Variants in B3GALT1 observed in about 807,000 individuals in gnomAD.
The protein encoded by B3GALT1 is beta-1,3-galactosyltransferase 1, also known as UDP-Gal:betaGlcNAc beta 1,3-galactosyltransferase, polypeptide 1.
B3GALT1 carries 10 observed loss-of-function variants against 23.2 expected under a neutral mutation model. The ratio of observed to expected loss-of-function variants is 0.43; its 90% CI spans 0.27 to 0.73. B3GALT1 has a LOEUF of 0.73. Among genes scored for constraint, B3GALT1 ranks in the 30% least tolerant of loss-of-function variants. The pLI is 0.21. For synonymous variants in B3GALT1, 156 were observed against 141.5 expected (o/e 1.10, Z -0.73); for missense variants, 299 against 405.4 (o/e 0.74, Z 2.25).
Position 167,351,000 on chromosome 2 carries a change from G to A in B3GALT1, c.-511+57666G>A, listed in dbSNP as rs192684441. On this transcript the variant is annotated intron_variant, in intron 1 of 4. Coordinates refer to ENST00000392690, the MANE Select transcript of B3GALT1 (RefSeq NM_020981.4). ...AATATCATTTTCGGCTGGGCGTGGT[G>A]GCTCACGCCTGTAATCCCAGCACTT... Among the ~76,000 whole-genome samples, 10 of 152,298 alleles carry A rather than the reference G, an allele frequency of 6.6e-5. No individual in the cohort carries two copies. In the East Asian group the frequency reaches 1.9e-3, roughly 29 times the overall value.
rs1001092506 is a variant in B3GALT1 at position 167,637,046 on chromosome 2, G to A, written c.-409-9863G>A. Among the ~76,000 whole-genome samples the A allele has an allele frequency of 2.6e-5, 4 of 152,008 alleles. No individual in the cohort carries two copies. In the East Asian group the frequency reaches 7.8e-4, roughly 30 times the overall value. On this transcript the variant is annotated intron_variant, in intron 2 of 4. Coordinates refer to ENST00000392690, the MANE Select transcript of B3GALT1 (RefSeq NM_020981.4). ...TAGTATGCCCTTATGGCTGCTCCCA[G>A]CTACCCTGATTAGTTAGTGCCCATG... is the stretch of plus-strand genomic sequence containing the variant.
intron 3 of B3GALT1, among the ~76,000 whole-genome samples, chr2:167,651,722 T>TA (rs1685873270): frequency 1.3e-5 from 2 of 152,202 alleles, no homozygotes; most frequent in African/African-American, 4.8e-5. Context: ...ATGAGAATCT[T>TA]ACTTTTACCA....
chr2:167,335,780 C>T (rs1475960345), intron 1 of B3GALT1, among the ~76,000 whole-genome samples: 2 of 152,096 alleles, frequency 1.3e-5, no homozygotes, highest in South Asian at 2.1e-4. Flanking sequence ...TTTACTGCAA[C>T]CTGTTTTATC....
intron 1 of B3GALT1, among the ~76,000 whole-genome samples, chr2:167,377,400 A>G (rs1030684080): frequency 6.6e-6 from 1 of 152,010 alleles, no homozygotes; most frequent in Non-Finnish European, 1.5e-5. Flanking sequence ...TTTGTGCCTC[A>G]GTAATCTGTC....
chr2:167,867,776 C>T (rs1690263069), intron 4 of B3GALT1, among the ~76,000 whole-genome samples: 2 of 152,108 alleles, frequency 1.3e-5, no homozygotes, highest in Admixed American at 6.5e-5. Flanking sequence ...CAGGAAGAAA[C>T]AATTTTTTAC....
chr2:167,637,550 A>G (rs892645993), intron 2 of B3GALT1, among the ~76,000 whole-genome samples: 24 of 152,092 alleles, frequency 1.6e-4, no homozygotes, highest in Admixed American at 1.2e-3. Context: ...TATACAATAC[A>G]TTGTTGTTAA....
At chr2:167,510,377 A>C (rs1699987595) in intron 2 of B3GALT1, among the ~76,000 whole-genome samples, 1 of 148,608 alleles carries the variant, frequency 6.7e-6, no homozygotes, top group African/African-American at 2.5e-5. Context: ...TAATGGAACC[A>C]TGCCTTATAA....
intron 1 of B3GALT1, among the ~76,000 whole-genome samples, chr2:167,403,557 A>T: frequency 6.6e-6 from 1 of 152,054 alleles, no homozygotes. Flanking sequence ...TGGTTGACTT[A>T]GTGTGAGGCC....
chr2:167,634,150 A>G (rs1338955925), intron 2 of B3GALT1, among the ~76,000 whole-genome samples: 2 of 152,160 alleles, frequency 1.3e-5, no homozygotes, highest in African/African-American at 4.8e-5. Context: ...TTTGAAACCA[A>G]TGAGAACAAA....
intron 2 of B3GALT1, among the ~76,000 whole-genome samples, chr2:167,643,132 C>T (rs1257701407): frequency 6.6e-6 from 1 of 152,104 alleles, no homozygotes; most frequent in Non-Finnish European, 1.5e-5. Flanking sequence ...GTAAGATAAG[C>T]TTTGTGCACA....
intron 1 of B3GALT1, among the ~76,000 whole-genome samples, chr2:167,361,504 A>G (rs936062665): frequency 1.3e-5 from 2 of 152,346 alleles, no homozygotes; most frequent in East Asian, 1.9e-4. Context: ...AACAAAACAG[A>G]TATTAAAGTC....
rs190997354 is a variant in B3GALT1, at chr2:167,645,339, C to T, written c.-409-1570C>T. On this transcript the variant is annotated intron_variant, in intron 2 of 4. Coordinates refer to ENST00000392690, the MANE Select transcript of B3GALT1 (RefSeq NM_020981.4). The stretch of plus-strand genomic sequence containing the variant: ...TTCTTGGCAATATTAAATTCTTCTC[C>T]AAAAAGTCATTAATAGCTTTTTGGA... Among the ~76,000 whole-genome samples, 10 of 152,098 alleles carry T rather than the reference C, an allele frequency of 6.6e-5. 1 individual carries two copies. The highest frequency in any genetic ancestry group is 5.9e-4 in the Admixed American group (9 of 15,272).
chr2:167,355,035 G>A (rs1697379193), intron 1 of B3GALT1, among the ~76,000 whole-genome samples: 1 of 152,188 alleles, frequency 6.6e-6, no homozygotes, highest in Admixed American at 6.5e-5. Context: ...TTCATGGCCA[G>A]GATCAGGTGT....
chr2:167,567,057 G>T (rs576580967), intron 2 of B3GALT1, among the ~76,000 whole-genome samples: 1 of 152,256 alleles, frequency 6.6e-6, no homozygotes, highest in Admixed American at 6.5e-5. Context: ...TATAGACTTA[G>T]GTTTGAGAAA....
At chr2:167,614,551 T>C (rs947475511) in intron 2 of B3GALT1, among the ~76,000 whole-genome samples, 21 of 151,862 alleles carry the variant, frequency 1.4e-4, no homozygotes, top group Admixed American at 1.2e-3. Flanking sequence ...CCAACCAAGA[T>C]CAATATTCAA....
chr2:167,807,417 T>A (rs1179620910), intron 3 of B3GALT1, among the ~76,000 whole-genome samples: 1 of 152,216 alleles, frequency 6.6e-6, no homozygotes, highest in East Asian at 1.9e-4. Context: ...AGGGTGTCAA[T>A]TTTAGGTCTT....
At chr2:167,388,238 A>T (rs1027289926) in intron 1 of B3GALT1, among the ~76,000 whole-genome samples, 24 of 152,226 alleles carry the variant, frequency 1.6e-4, no homozygotes, top group East Asian at 5.8e-4. Flanking sequence ...TTCACTGATG[A>T]GTGTAAAATA....
intron 3 of B3GALT1, among the ~76,000 whole-genome samples, chr2:167,740,035 G>T (rs1449565488): frequency 1.3e-5 from 2 of 151,404 alleles, no homozygotes; most frequent in Admixed American, 6.6e-5. Flanking sequence ...GGAGTTCAAG[G>T]CTGCAGTGAG....
intron 3 of B3GALT1, among the ~76,000 whole-genome samples, chr2:167,782,118 G>T (rs185775784): frequency 6.0e-4 from 91 of 152,274 alleles, no homozygotes; most frequent in African/African-American, 2.1e-3. Flanking sequence ...ACAGAGAGCT[G>T]ACAGCTAAAA....
Sources: gnomAD v4.1 joint callset for allele counts (sites outside exome capture counted in the v4.1 genomes callset) on GRCh38, gnomAD v4.1.1 for gene constraint, MANE v1.5 for transcripts, NCBI Gene and HGNC (gene_info 2026-07-23, HGNC 2026-07-21) for gene names.